The following SETD1B variants were observed in gnomAD, a reference collection of about 807,000 sequenced individuals.
SETD1B encodes SET domain containing 1B, histone lysine methyltransferase.
SETD1B carries 7 observed loss-of-function variants against 148.0 expected under a neutral mutation model. That is an observed-to-expected ratio of 0.05 (90% CI 0.03 to 0.09). SETD1B has a LOEUF of 0.09. SETD1B is among the 10% of genes least tolerant of loss of function. SETD1B has a pLI of 1.00. For missense variants in SETD1B, 2,155 were observed against 2,729.9 expected (o/e 0.79, Z 4.69); for synonymous variants, 1,361 against 1,186.5 (o/e 1.15, Z -3.02).
At chr12:121,793,056 G>A in the SETD1B span, 8 of 1,076,016 alleles carry the variant, frequency 7.4e-6, no homozygotes, top group Non-Finnish European at 1.1e-5. Flanking sequence ...GCCCTGCCAA[G>A]GCTGCAGGGC....
chr12:121,791,880 C>T, the SETD1B span, among the ~76,000 whole-genome samples: 14 of 152,224 alleles, frequency 9.2e-5, no homozygotes, highest in Non-Finnish European at 1.9e-4. Flanking sequence ...TGACCTTGCC[C>T]CTCCCTGGCT....
chr12:121,822,250 A>T (rs2137576775), intron 11 of SETD1B, among the ~76,000 whole-genome samples: 1 of 152,224 alleles, frequency 6.6e-6, no homozygotes, highest in East Asian at 1.9e-4. Flanking sequence ...CGTAGTATGA[A>T]AGGCTGGAAT....
chr12:121,808,153 G>A lies in SETD1B; in HGVS notation c.545-55G>A, dbSNP rs1875839698. On this transcript the variant is annotated intron_variant, in intron 4 of 16. Coordinates refer to ENST00000604567, the MANE Select transcript of SETD1B (RefSeq NM_001353345.2). The surrounding 1 kb of genome is among the most constrained non-coding windows in gnomAD (Gnocchi z 5.3). ...TGCCACACAGGTTGGAATCCTTGTGGGGGCTGCCCCATCCTGGAACCTCAC... is the reference window on the plus strand; with the variant it reads ...TGCCACACAGGTTGGAATCCTTGTGAGGGCTGCCCCATCCTGGAACCTCAC... 7.2e-7 allele frequency: 1 copy of A among 1,397,184 alleles called. No individual in the cohort carries two copies. Among genetic ancestry groups the A allele is most frequent in the Non-Finnish European group, 9.9e-7 (1 of 1,013,342 alleles). 86.5% of individuals were successfully genotyped at this position (1,397,184 alleles called of 1,614,324 possible). A position where few individuals can be genotyped will look rare whatever the true frequency, so the allele number is the denominator to read the frequency against.
At chr12:121,801,829 ATCG>A (rs1875380342), upstream of SETD1B, 1 of 152,184 alleles carries the variant, frequency 6.6e-6, no homozygotes, top group Non-Finnish European at 1.5e-5. Flanking sequence ...CAATGGTGTG[ATCG>A]TCATTAAGAG....
rs547958108 is a variant in SETD1B at position 121,810,636 on chromosome 12, C to T, written c.1691C>T (p.Pro564Leu). Reference sequence around the variant, plus strand: ...GGCCCCACGCCCCCCTCGTCACGCCCCTCCAGCACCGGCCTGGAGGATATC... The same window carrying T: ...GGCCCCACGCCCCCCTCGTCACGCCTCTCCAGCACCGGCCTGGAGGATATC... The part of the protein sequence containing the change: ...FRGPTPPSSR[P>L]SSTGLEDISP... Residue 564 changes from proline (P) to leucine (L), a missense_variant, in exon 6 of 17, where the codon CCC becomes CTC. Pro to Leu is a moderately conservative substitution (Grantham distance 98). Transcript: ENST00000604567. This position sits in a 1 kb window ranked among gnomAD's most constrained non-coding sequence, Gnocchi z 7.6. 6.5e-7 allele frequency: 1 copy of T among 1,548,676 alleles called. No individual in the cohort carries two copies. The highest frequency in any genetic ancestry group is 1.2e-5 in the South Asian group (1 of 83,986).
chr12:121,805,762 G>A lies in SETD1B; in HGVS notation c.274-73G>A, dbSNP rs1875712250. 7.1e-7 allele frequency: 1 copy of A among 1,410,164 alleles called. No homozygotes were observed. Among genetic ancestry groups the A allele is most frequent in the Non-Finnish European group, 9.6e-7 (1 of 1,046,716 alleles). The allele number at this position is 1,410,164 out of a possible 1,614,324, so 87.4% of individuals were successfully genotyped here. A position where few individuals can be genotyped will look rare whatever the true frequency, so the allele number is the denominator to read the frequency against. On this transcript the variant is annotated intron_variant, in intron 3 of 16. Coordinates refer to ENST00000604567, the MANE Select transcript of SETD1B (RefSeq NM_001353345.2). The surrounding 1 kb of genome is among the most constrained non-coding windows in gnomAD (Gnocchi z 4.2). The stretch of plus-strand genomic sequence containing the variant: ...CAACGGGTGGGCGAGTTGCGGGCGG[G>A]GCGGGGGGGATGTTGTGTTTTCCCT...
chr12:121,827,396 C>G, intron 13 of SETD1B, 123 bp from the exon 14 acceptor site: 1 of 1,230,948 alleles, frequency 8.1e-7, no homozygotes, highest in Non-Finnish European at 1.1e-6. Context: ...TAGGGACCGA[C>G]AGGTGTGGAG....
At chr12:121,820,844 C>T (rs1238136689) in intron 11 of SETD1B, among the ~76,000 whole-genome samples, 1 of 152,228 alleles carries the variant, frequency 6.6e-6, no homozygotes, top group African/African-American at 2.4e-5. Flanking sequence ...TAGCACCTAC[C>T]TTTAATAAGT....
At chr12:121,797,183 G>A in the SETD1B span, 13 of 348,018 alleles carry the variant, frequency 3.7e-5, no homozygotes, top group Non-Finnish European at 6.3e-5. Context: ...CAGAGGCTGT[G>A]TCTCCACCCA....
In SETD1B at chr12:121,809,857, T is replaced by C. The variant is rs532181379; in HGVS notation, c.912T>C (p.Pro304=). The change falls in exon 6 of 17, where the codon CCT becomes CCC. Residue 304 remains proline (P), a synonymous_variant. Transcript: ENST00000604567. ...CCTCATACCTCTTCAGCCAGGACCC[T>C]GCAGTGACCTTCAAGGCCCGGCGCC... The part of the protein sequence containing the change: ...PTPSYLFSQD[P]AVTFKARRHE... 2.1e-5 allele frequency: 32 copies of C among 1,551,374 alleles called. No homozygotes were observed. In the South Asian group the frequency reaches 3.5e-4, roughly 17 times the overall value.
intron 6 of SETD1B, among the ~76,000 whole-genome samples, chr12:121,811,185 G>A (rs895954): frequency 0.75 from 113,431 of 152,114 alleles, 43,491 homozygotes; most frequent in East Asian, 0.95. Flanking sequence ...TATGAGCTGT[G>A]GGGATGGCTC....
rs78194112 is a variant in SETD1B at position 121,817,769 on chromosome 12, C to T, written c.3313-30C>T. On this transcript the variant is annotated intron_variant, in intron 9 of 16. Coordinates refer to ENST00000604567, the MANE Select transcript of SETD1B (RefSeq NM_001353345.2). The surrounding 1 kb of genome is among the most constrained non-coding windows in gnomAD (Gnocchi z 8.1). Reference sequence around the variant, plus strand: ...GCGACGAGGGCCAGACCCTTCGGCTCACCTGTCCCCACTCTTCCTTCTCCC... The same window carrying T: ...GCGACGAGGGCCAGACCCTTCGGCTTACCTGTCCCCACTCTTCCTTCTCCC... The T allele has an allele frequency of 1.5e-4, 237 of 1,543,214 alleles. 1 individual carries two copies. The East Asian group carries it at 1.8e-3, about 12-fold the overall frequency.
At chr12:121,813,110 CCTT>C (rs1225004733) in intron 6 of SETD1B, among the ~76,000 whole-genome samples, 7 of 152,196 alleles carry the variant, frequency 4.6e-5, no homozygotes, top group African/African-American at 1.2e-4. Flanking sequence ...GGGCTCCAGA[CCTT>C]CTTCTGACTG....
chr12:121,830,296 AGCCCCTG>A lies in SETD1B; in HGVS notation c.*63_*69del, dbSNP rs982412458. ...GTAGCCCTGGGACTCCCGAGCGTGG[AGCCCCTG>A]GCCCCGGGGCCCGGCCCCCCGCGCC... On this transcript the variant is annotated 3_prime_UTR_variant, in exon 17 of 17. Coordinates refer to ENST00000604567, the MANE Select transcript of SETD1B (RefSeq NM_001353345.2). This position sits in a 1 kb window ranked among gnomAD's most constrained non-coding sequence, Gnocchi z 5.7. 27 of 1,502,732 alleles carry A rather than the reference AGCCCCTG, an allele frequency of 1.8e-5. No homozygotes were observed. Among genetic ancestry groups the A allele is most frequent in the Middle Eastern group, 2.3e-4 (1 of 4,326 alleles). 93.1% of individuals were successfully genotyped at this position (1,502,732 alleles called of 1,614,324 possible). A position where few individuals can be genotyped will look rare whatever the true frequency, so the allele number is the denominator to read the frequency against.
chr12:121,804,674 GGCCGCCGCC>G lies in SETD1B; in HGVS notation c.-14-41_-14-33del. ...GATTCTTTCGCGTGTGTGTAGAAGC[GGCCGCCGCC>G]GCCGCCGCGGCGGAGACGACAACAA... On this transcript the variant is annotated intron_variant, in intron 1 of 16. Coordinates refer to ENST00000604567, the MANE Select transcript of SETD1B (RefSeq NM_001353345.2). The surrounding 1 kb of genome is among the most constrained non-coding windows in gnomAD (Gnocchi z 4.6). The G allele has an allele frequency of 6.7e-7, 1 of 1,496,946 alleles. No homozygotes were observed. The highest frequency in any genetic ancestry group is 9.0e-7 in the Non-Finnish European group (1 of 1,109,092). The allele number at this position is 1,496,946 out of a possible 1,614,324, so 92.7% of individuals were successfully genotyped here. A position where few individuals can be genotyped will look rare whatever the true frequency, so the allele number is the denominator to read the frequency against.
At position 121,830,057 on chromosome 12, in the gene SETD1B, T is replaced by C; in HGVS notation, c.5728-9T>C. 1 of 1,547,202 alleles carries C rather than the reference T, an allele frequency of 6.5e-7. No individual in the cohort carries two copies. Among genetic ancestry groups the C allele is most frequent in the Non-Finnish European group, 8.7e-7 (1 of 1,143,780 alleles). ...CAGGGGCTCATTCTCCCCCCCACCT[T>C]GCCTGCAGCCCAACTGCTATGCCAA... On this transcript the variant is annotated splice_polypyrimidine_tract_variant and intron_variant, in intron 16 of 16. Coordinates refer to ENST00000604567, the MANE Select transcript of SETD1B (RefSeq NM_001353345.2). The surrounding 1 kb of genome is among the most constrained non-coding windows in gnomAD (Gnocchi z 5.7).
Position 121,822,890 on chromosome 12 carries a change from C to T in SETD1B, c.4311C>T (p.Ser1437=), listed in dbSNP as rs1188498420. Residue 1437 remains serine, a synonymous_variant, in exon 12 of 17, where the codon TCC becomes TCT. Coordinates refer to ENST00000604567, the MANE Select transcript of SETD1B (RefSeq NM_001353345.2). ...GRDFSFTPTF[S]EPSGPLLLPV... ...ACTTCAGCTTCACACCCACCTTCTC[C>T]GAGCCCAGCGGGCCCTTGCTCCTGC... The T allele has an allele frequency of 1.1e-5, 16 of 1,491,844 alleles. No individual in the cohort carries two copies. Among genetic ancestry groups the T allele is most frequent in the South Asian group, 6.6e-5 (5 of 76,120 alleles). 92.4% of individuals were successfully genotyped at this position (1,491,844 alleles called of 1,614,324 possible).
In SETD1B at chr12:121,814,504, G is replaced by A. The variant is rs1295623874; in HGVS notation, c.2289G>A (p.Val763=). 6.8e-7 allele frequency: 1 copy of A among 1,465,218 alleles called. No individual in the cohort carries two copies. The highest frequency in any genetic ancestry group is 9.1e-7 in the Non-Finnish European group (1 of 1,103,328). 90.8% of individuals were successfully genotyped at this position (1,465,218 alleles called of 1,614,324 possible). Residue 763 remains valine, a synonymous_variant, in exon 7 of 17, where the codon GTG becomes GTA. Transcript: ENST00000604567. ...TGATGCAGGTGGACATGAGCCACGTGCTGGGTGGCCAGTGGGGCGGCATGC... is the reference window on the plus strand; with the variant it reads ...TGATGCAGGTGGACATGAGCCACGTACTGGGTGGCCAGTGGGGCGGCATGC... The part of the protein sequence containing the change: ...FPVMQVDMSH[V]LGGQWGGMPM...
the SETD1B span, chr12:121,797,968 G>A: frequency 8.4e-6 from 2 of 239,110 alleles, no homozygotes; most frequent in Middle Eastern, 1.6e-3. Flanking sequence ...ACGGCTCATC[G>A]GGGATTGAAG....
Sources: allele counts gnomAD v4.1 joint callset (sites outside exome capture counted in the v4.1 genomes callset), GRCh38; gene constraint gnomAD v4.1.1; non-coding constraint Gnocchi (gnomAD v3.1); transcripts MANE v1.5; gene names NCBI Gene and HGNC (gene_info 2026-07-23, HGNC 2026-07-21).